TCEA1: variants seen among roughly 807,000 people sequenced by gnomAD.
The protein encoded by TCEA1 is transcription elongation factor A protein 1.
Under a neutral mutation model 43.8 loss-of-function variants are expected in TCEA1, and 21 were observed. That is an observed-to-expected ratio of 0.48 (90% CI 0.34 to 0.69). The LOEUF is 0.69. Among genes scored for constraint, TCEA1 ranks in the 30% least tolerant of loss-of-function variants. TCEA1 has a pLI of 0.01. For synonymous variants in TCEA1, 104 were observed against 117.5 expected, an observed-to-expected ratio of 0.88 and a Z score of 0.75; for missense variants, 250 against 365.1, an observed-to-expected ratio of 0.68 and a Z score of 2.57.
At chr8:53,993,842 G>A in intron 3 of TCEA1, 87 bp from the exon 4 acceptor site, 1 of 1,032,000 alleles carries the variant, frequency 9.7e-7, no homozygotes, top group Non-Finnish European at 1.5e-6. Context: ...TGCACAACAT[G>A]AACTAAAATC....
chr8:53,999,032 C>G (rs187520572), intron 3 of TCEA1, among the ~76,000 whole-genome samples: 5 of 151,798 alleles, frequency 3.3e-5, no homozygotes, highest in Admixed American at 3.3e-4. Flanking sequence ...ATCGAGACCA[C>G]CCTGGCTAAC....
intron 4 of TCEA1, among the ~76,000 whole-genome samples, chr8:53,988,937 C>T (rs1387616923): frequency 6.6e-6 from 1 of 152,022 alleles, no homozygotes; most frequent in Non-Finnish European, 1.5e-5. Flanking sequence ...GGCGTGGTGG[C>T]ACACGCCTGT....
chr8:53,995,017 G>T (rs1298748488), intron 3 of TCEA1, among the ~76,000 whole-genome samples: 2 of 152,066 alleles, frequency 1.3e-5, no homozygotes, highest in African/African-American at 4.8e-5. Flanking sequence ...GTGCCTGCCT[G>T]GGGTCAAATG....
intron 5 of TCEA1, 132 bp downstream of exon 5, chr8:53,987,979 ACTT>A (rs1803742554): frequency 9.1e-7 from 1 of 1,096,018 alleles, no homozygotes; most frequent in South Asian, 2.1e-5. Context: ...ATCAGCAACA[ACTT>A]CTCCCCAAGC....
At chr8:53,986,927 C>A in intron 6 of TCEA1, 42 bp downstream of exon 6, 1 of 1,460,438 alleles carries the variant, frequency 6.8e-7, no homozygotes, top group Non-Finnish European at 9.3e-7. Context: ...ATAAATATTA[C>A]TTATTAAAAA....
intron 1 of TCEA1, among the ~76,000 whole-genome samples, chr8:54,021,220 G>T (rs1805014137): frequency 6.6e-6 from 1 of 152,132 alleles, no homozygotes; most frequent in African/African-American, 2.4e-5. Flanking sequence ...GAACAGATGA[G>T]TCTGAAGCAA....
intron 1 of TCEA1, among the ~76,000 whole-genome samples, chr8:54,013,032 C>A (rs1193127443): frequency 6.6e-6 from 1 of 151,046 alleles, no homozygotes; most frequent in Non-Finnish European, 1.5e-5. Context: ...TTTCTTCTAT[C>A]CACATTTCCA....
chr8:53,993,630 G>A, intron 4 of TCEA1, 38 bp downstream of exon 4: 1 of 1,517,944 alleles, frequency 6.6e-7, no homozygotes, highest in Non-Finnish European at 9.0e-7. Context: ...GTAAAACTAT[G>A]ACTTTCAATA....
At chr8:53,991,943 T>C (rs1347112898) in intron 4 of TCEA1, among the ~76,000 whole-genome samples, 1 of 151,990 alleles carries the variant, frequency 6.6e-6, no homozygotes, top group African/African-American at 2.4e-5. Flanking sequence ...AACATTAACA[T>C]GAAGAGTACA....
intron 2 of TCEA1, among the ~76,000 whole-genome samples, chr8:54,008,826 T>C (rs901599358): frequency 6.6e-6 from 1 of 151,192 alleles, no homozygotes; most frequent in Admixed American, 6.6e-5. Flanking sequence ...TCAGAATGGC[T>C]ATTATTTTAT....
chr8:54,007,492 A>C (rs1378559291), intron 2 of TCEA1, among the ~76,000 whole-genome samples: 3 of 152,178 alleles, frequency 2.0e-5, no homozygotes, highest in African/African-American at 7.2e-5. Context: ...TTCCTTATTA[A>C]AACATTAAGA....
intron 2 of TCEA1, among the ~76,000 whole-genome samples, chr8:54,001,092 C>T (rs867092094): frequency 6.6e-6 from 1 of 152,024 alleles, no homozygotes; most frequent in African/African-American, 2.4e-5. Context: ...TGTTCACTGC[C>T]GAAGTCCATG....
At chr8:53,988,667 A>G (rs1450833200) in intron 4 of TCEA1, among the ~76,000 whole-genome samples, 2 of 152,100 alleles carry the variant, frequency 1.3e-5, no homozygotes, top group Non-Finnish European at 2.9e-5. Flanking sequence ...CCCAGGCTGG[A>G]GGGCAATGGT....
chr8:53,983,839 C>T (rs1803599714), intron 7 of TCEA1, among the ~76,000 whole-genome samples: 1 of 152,208 alleles, frequency 6.6e-6, no homozygotes, highest in Non-Finnish European at 1.5e-5. Context: ...TGGCTCACAC[C>T]TGTAATTCCA....
At chr8:53,977,337 A>C (rs2089218906) in intron 8 of TCEA1, among the ~76,000 whole-genome samples, 1 of 152,208 alleles carries the variant, frequency 6.6e-6, no homozygotes, top group African/African-American at 2.4e-5. Context: ...AAGGAAAACA[A>C]AAATATTTGC....
chr8:53,997,536 G>A (rs1247084503), intron 3 of TCEA1, among the ~76,000 whole-genome samples: 2 of 152,082 alleles, frequency 1.3e-5, no homozygotes, highest in African/African-American at 4.8e-5. Flanking sequence ...ATTCCAACTG[G>A]GGATGTACAA....
intron 2 of TCEA1, among the ~76,000 whole-genome samples, chr8:54,002,010 A>AAAC (rs1804281927): frequency 1.5e-5 from 2 of 136,442 alleles, no homozygotes; most frequent in African/African-American, 7.4e-5. Flanking sequence ...ACAAACAAAC[A>AAAC]AAAAACAAAT....
At position 53,997,146 on chromosome 8, in the gene TCEA1, G is replaced by C. The variant is rs184657862; in HGVS notation, c.232+2799C>G. Among the ~76,000 whole-genome samples, 405 of 152,102 alleles carry C rather than the reference G, an allele frequency of 2.7e-3. 2 individuals are homozygous for C. The highest frequency in any genetic ancestry group is 4.6e-3 in the Non-Finnish European group (311 of 67,998). On this transcript the variant is annotated intron_variant, in intron 3 of 9. Coordinates refer to ENST00000521604, the MANE Select transcript of TCEA1 (RefSeq NM_006756.4). ...GATGGTCTCGATCTCCTGACCTCGTGATCTGCCTGCCTCAGCCTCCCAAAG... is the reference window on the plus strand; with the variant it reads ...GATGGTCTCGATCTCCTGACCTCGTCATCTGCCTGCCTCAGCCTCCCAAAG...
chr8:54,013,501 A>C (rs1411397448), intron 1 of TCEA1, among the ~76,000 whole-genome samples: 1 of 152,018 alleles, frequency 6.6e-6, no homozygotes, highest in East Asian at 1.9e-4. Context: ...CAACATGGTG[A>C]AACTCCATCT....
Sources: gnomAD v4.1 joint callset for allele counts (sites outside exome capture counted in the v4.1 genomes callset) on GRCh38, gnomAD v4.1.1 for gene constraint, MANE v1.5 for transcripts, NCBI Gene and HGNC (gene_info 2026-07-23, HGNC 2026-07-21) for gene names.